MPRIP: variants seen among roughly 807,000 people sequenced by gnomAD.
The protein encoded by MPRIP is myosin phosphatase Rho interacting protein, also known as myosin phosphatase Rho-interacting protein.
Under a neutral mutation model 234.9 loss-of-function variants are expected in MPRIP, and 59 were observed. That is an observed-to-expected ratio of 0.25 (90% CI 0.20 to 0.31). The LOEUF (loss-of-function observed/expected upper bound fraction) is 0.31. MPRIP is among the 10% of genes least tolerant of loss of function. The probability of loss-of-function intolerance (pLI) is 1.00; values close to 1 mark genes in which losing one functional copy is unlikely to be tolerated. For missense variants in MPRIP, 2,436 were observed against 3,071.0 expected (o/e 0.79, Z 4.89); for synonymous variants, 1,144 against 1,263.9 (o/e 0.91, Z 2.01).
chr17:17,084,103 A>G (rs1425378500), intron 3 of MPRIP, among the ~76,000 whole-genome samples: 1 of 152,154 alleles, frequency 6.6e-6, no homozygotes, highest in African/African-American at 2.4e-5. Flanking sequence ...GAGAGGAACC[A>G]TCTGCTCCTC....
intron 3 of MPRIP, among the ~76,000 whole-genome samples, chr17:17,116,996 A>G (rs958999942): frequency 1.3e-5 from 2 of 152,176 alleles, no homozygotes; most frequent in South Asian, 2.1e-4. Context: ...GTAGATGGCC[A>G]TGGTCTCTGA....
intron 1 of MPRIP, among the ~76,000 whole-genome samples, chr17:17,064,238 G>T (rs1200741544): frequency 1.4e-5 from 2 of 146,168 alleles, no homozygotes; most frequent in African/African-American, 5.2e-5. Flanking sequence ...GTCTATCTCT[G>T]TTGCCCAGGC....
At chr17:17,156,860 A>G (rs780965284) in intron 13 of MPRIP, among the ~76,000 whole-genome samples, 15 of 152,226 alleles carry the variant, frequency 9.9e-5, no homozygotes, top group Non-Finnish European at 1.9e-4. Context: ...GCTGTGAAGC[A>G]CTTTGCCTCT....
At chr17:17,048,451 A>G (rs2088426732) in intron 1 of MPRIP, among the ~76,000 whole-genome samples, 1 of 152,168 alleles carries the variant, frequency 6.6e-6, no homozygotes, top group Admixed American at 6.6e-5. Context: ...TGTGTATCTC[A>G]GAAACAACGG....
intron 1 of MPRIP, among the ~76,000 whole-genome samples, chr17:17,064,754 T>C (rs2088971518): frequency 6.6e-6 from 1 of 152,206 alleles, no homozygotes; most frequent in South Asian, 2.1e-4. Flanking sequence ...TCGCATTCCA[T>C]GGTAAGAGGG....
At chr17:17,064,569 C>T (rs1043966789) in intron 1 of MPRIP, among the ~76,000 whole-genome samples, 26 of 152,168 alleles carry the variant, frequency 1.7e-4, no homozygotes, top group Admixed American at 1.6e-3. Flanking sequence ...ATCAACCCAA[C>T]CCCAGCCACC....
Position 17,045,807 on chromosome 17 carries a change from G to GTT in MPRIP, c.123+2851_123+2852dup, listed in dbSNP as rs528782550. Among the ~76,000 whole-genome samples the GTT allele has an allele frequency of 7.3e-3, 1,028 of 139,938 alleles. 16 individuals are homozygous for GTT. The highest frequency in any genetic ancestry group is 0.023 in the African/African-American group (841 of 37,054). 91.8% of individuals were successfully genotyped at this position (139,938 alleles called of 152,430 possible). A position where few individuals can be genotyped will look rare whatever the true frequency, so the allele number is the denominator to read the frequency against. On this transcript the variant is annotated intron_variant, in intron 1 of 23. Transcript: ENST00000651222. The stretch of plus-strand genomic sequence containing the variant: ...AGCGACATACGGACCCAAATATACA[G>GTT]TTTTTTTTTTTTTTTTGAGGCGGAG...
chr17:17,148,514 C>T (rs756723464), intron 11 of MPRIP, among the ~76,000 whole-genome samples: 1 of 152,150 alleles, frequency 6.6e-6, no homozygotes, highest in Non-Finnish European at 1.5e-5. Flanking sequence ...AATAATTAAT[C>T]GTTTTAAAAT....
At position 17,078,143 on chromosome 17, in the gene MPRIP, G is replaced by A; in HGVS notation, c.267+67G>A. On this transcript the variant is annotated intron_variant, in intron 3 of 23. Coordinates refer to ENST00000651222, the MANE Select transcript of MPRIP (RefSeq NM_001364716.4). This position sits in a 1 kb window ranked among gnomAD's most constrained non-coding sequence, Gnocchi z 4.3. Reference sequence around the variant, plus strand: ...CAAGTCCCTCCATTACAGTGCCCTTGCGTTGTCATGTGAGAGCACAGCAGC... The same window carrying A: ...CAAGTCCCTCCATTACAGTGCCCTTACGTTGTCATGTGAGAGCACAGCAGC... The A allele has an allele frequency of 1.3e-6, 2 of 1,521,786 alleles. No individual in the cohort carries two copies. The highest frequency in any genetic ancestry group is 1.8e-6 in the Non-Finnish European group (2 of 1,098,102). 94.3% of individuals were successfully genotyped at this position (1,521,786 alleles called of 1,614,324 possible). A position where few individuals can be genotyped will look rare whatever the true frequency, so the allele number is the denominator to read the frequency against.
At chr17:17,077,625 T>G (rs1263840221) in intron 2 of MPRIP, 1 of 176,752 alleles carries the variant, frequency 5.7e-6, no homozygotes, top group Admixed American at 5.6e-5. Context: ...GATTATTCCA[T>G]GTCATGTCAG....
At chr17:17,049,641 G>A (rs1442820911) in intron 1 of MPRIP, among the ~76,000 whole-genome samples, 3 of 152,186 alleles carry the variant, frequency 2.0e-5, no homozygotes, top group East Asian at 3.8e-4. Context: ...ATCAAATCCC[G>A]GAGCCTTTTA....
intron 3 of MPRIP, among the ~76,000 whole-genome samples, chr17:17,119,103 T>C (rs1204988067): frequency 2.0e-5 from 3 of 152,166 alleles, no homozygotes; most frequent in African/African-American, 7.2e-5. Context: ...CAGGGGCGCC[T>C]AGGAACTCAG....
At chr17:17,062,604 G>A (rs976128900) in intron 1 of MPRIP, among the ~76,000 whole-genome samples, 13 of 152,218 alleles carry the variant, frequency 8.5e-5, no homozygotes, top group Non-Finnish European at 1.3e-4. Context: ...GTTCACCAGC[G>A]GACAGAGCAG....
intron 23 of MPRIP, among the ~76,000 whole-genome samples, chr17:17,181,054 G>A (rs1324538645): frequency 1.3e-5 from 2 of 152,224 alleles, no homozygotes; most frequent in African/African-American, 4.8e-5. Context: ...CGCCCACCTA[G>A]TGAGCCACTT....
chr17:17,166,447 T>G lies in MPRIP; in HGVS notation c.4856T>G (p.Val1619Gly). 7.7e-7 allele frequency: 1 copy of G among 1,304,258 alleles called. No individual in the cohort carries two copies. Among genetic ancestry groups the G allele is most frequent in the Non-Finnish European group, 1.0e-6 (1 of 988,936 alleles). The allele number at this position is 1,304,258 out of a possible 1,614,324, so 80.8% of individuals were successfully genotyped here. ...GAPVDTWARK[V>G]LVDGEFWSQV... ...CCCGTAGACACCTGGGCCAGGAAGG[T>G]CCTAGTGGATGGTGAGTTCTGGAGC... The change falls in exon 16 of 24, where the codon GTC becomes GGC. Residue 1619 changes from valine (V) to glycine (G), a missense_variant. This residue lies in a region of MPRIP where 1,998 missense variants were observed against 2,520.3 expected (regional missense o/e 0.79). Coordinates refer to ENST00000651222, the MANE Select transcript of MPRIP (RefSeq NM_001364716.4). The surrounding 1 kb of genome is among the most constrained non-coding windows in gnomAD (Gnocchi z 4.4).
At position 17,078,289 on chromosome 17, in the gene MPRIP, GAGTGAGAGGAAGA is replaced by G. The variant is rs373548967; in HGVS notation, c.267+220_267+232del. Reference sequence around the variant, plus strand: ...TTGAAACATCATCTTCTGTGGTCTTGAGTGAGAGGAAGAAGTGAGGGAGGAAGTCATTTCTGTT... The same window carrying G: ...TTGAAACATCATCTTCTGTGGTCTTGAGTGAGGGAGGAAGTCATTTCTGTT... On this transcript the variant is annotated intron_variant, in intron 3 of 23. Coordinates refer to ENST00000651222, the MANE Select transcript of MPRIP (RefSeq NM_001364716.4). This position sits in a 1 kb window ranked among gnomAD's most constrained non-coding sequence, Gnocchi z 4.3. 0.045 allele frequency among the ~76,000 whole-genome samples: 6,795 copies of G among 152,250 alleles called. 468 individuals are homozygous for G. The highest frequency in any genetic ancestry group is 0.14 in the African/African-American group (5,903 of 41,508).
intron 6 of MPRIP, 51 bp downstream of exon 6, chr17:17,136,501 A>T (rs780661463): frequency 9.1e-6 from 14 of 1,532,024 alleles, no homozygotes; most frequent in Non-Finnish European, 1.2e-5. Context: ...CCTCCCTCCC[A>T]TCAGAGCTGG....
chr17:17,053,553 C>G (rs2065470606), intron 1 of MPRIP, among the ~76,000 whole-genome samples: 2 of 152,210 alleles, frequency 1.3e-5, no homozygotes, highest in Non-Finnish European at 2.9e-5. Flanking sequence ...ACTTAGCATG[C>G]TGGCCCATCT....
Position 17,175,289 on chromosome 17 carries a change from C to T in MPRIP, c.6751-4C>T. On this transcript the variant is annotated splice_polypyrimidine_tract_variant and splice_region_variant and intron_variant, in intron 19 of 23. Coordinates refer to ENST00000651222, the MANE Select transcript of MPRIP (RefSeq NM_001364716.4). ...AGTGTCACTGTTGTGTTGCTGTCCCCCAGGAGCTGAACAACCGCCTGGCTG... is the reference window on the plus strand; with the variant it reads ...AGTGTCACTGTTGTGTTGCTGTCCCTCAGGAGCTGAACAACCGCCTGGCTG... 1 of 1,613,296 alleles carries T rather than the reference C, an allele frequency of 6.2e-7. No individual in the cohort carries two copies. The highest frequency in any genetic ancestry group is 8.5e-7 in the Non-Finnish European group (1 of 1,179,974).
Sources: allele counts gnomAD v4.1 joint callset (sites outside exome capture counted in the v4.1 genomes callset), GRCh38; gene constraint gnomAD v4.1.1; regional missense constraint gnomAD v4.1.1; non-coding constraint Gnocchi (gnomAD v3.1); transcripts MANE v1.5; gene names NCBI Gene and HGNC (gene_info 2026-07-23, HGNC 2026-07-21).